Variants in RAP1A observed in about 807,000 individuals in gnomAD.
RAP1A encodes the protein RAP1A, member of RAS oncogene family, also known as ras-related protein Rap-1A.
A neutral mutation model predicts 26.4 loss-of-function variants in RAP1A; 6 were observed. The observed-to-expected ratio is 0.23, with a 90% confidence interval of 0.12 to 0.45. The LOEUF is 0.45. Ranked by LOEUF, RAP1A falls within the 20% of genes least tolerant of loss-of-function variation. The probability of loss-of-function intolerance (pLI) is 0.99; values close to 1 mark genes in which losing one functional copy is unlikely to be tolerated. For synonymous variants in RAP1A, 73 were observed against 79.4 expected, an observed-to-expected ratio of 0.92 and a Z score of 0.43; for missense variants, 121 against 217.2, an observed-to-expected ratio of 0.56 and a Z score of 2.78.
intron 1 of RAP1A, among the ~76,000 whole-genome samples, chr1:111,634,795 C>T (rs1659677728): frequency 6.6e-6 from 1 of 151,968 alleles, no homozygotes; most frequent in South Asian, 2.1e-4. Flanking sequence ...CAGGCACGCA[C>T]CGCCACGCCC....
intron 1 of RAP1A, among the ~76,000 whole-genome samples, chr1:111,552,748 T>G (rs1657319821): frequency 1.3e-5 from 2 of 152,206 alleles, no homozygotes; most frequent in African/African-American, 4.8e-5. Flanking sequence ...ACTTCCTACA[T>G]GCATGACCTG....
intron 1 of RAP1A, among the ~76,000 whole-genome samples, chr1:111,571,526 G>T (rs1299285790): frequency 6.6e-6 from 1 of 152,118 alleles, no homozygotes; most frequent in African/African-American, 2.4e-5. Context: ...ATAACAAAAG[G>T]CACTCCTGTC....
chr1:111,662,352 A>C (rs1372710025), intron 1 of RAP1A, among the ~76,000 whole-genome samples: 1 of 146,732 alleles, frequency 6.8e-6, no homozygotes, highest in Non-Finnish European at 1.5e-5. Flanking sequence ...CAGAGGTAGC[A>C]CCATCGTATT....
At chr1:111,696,328 T>C (rs558613272) in intron 3 of RAP1A, among the ~76,000 whole-genome samples, 1 of 152,352 alleles carries the variant, frequency 6.6e-6, no homozygotes, top group South Asian at 2.1e-4. Context: ...GCTGTAACTT[T>C]TGTTGAATTA....
chr1:111,586,118 G>A (rs1399032270), intron 1 of RAP1A, among the ~76,000 whole-genome samples: 7 of 152,164 alleles, frequency 4.6e-5, no homozygotes, highest in Non-Finnish European at 1.0e-4. Context: ...TTTCTCTGAT[G>A]ATGAATATTT....
rs192086796 is a variant in RAP1A, at chr1:111,565,876, G to C, written c.-28+23367G>C. Reference sequence around the variant, plus strand: ...TGGACAGCACATTATATTTCTACTGGACAGCACTAATCTAAACTCAAAGTG... The same window carrying C: ...TGGACAGCACATTATATTTCTACTGCACAGCACTAATCTAAACTCAAAGTG... On this transcript the variant is annotated intron_variant, in intron 1 of 7. Coordinates refer to the RAP1A transcript ENST00000356415. Among the ~76,000 whole-genome samples, 8 of 152,040 alleles carry C rather than the reference G, an allele frequency of 5.3e-5. No individual in the cohort carries two copies. The East Asian group carries it at 1.5e-3, about 29-fold the overall frequency.
intron 1 of RAP1A, chr1:111,649,350 C>A: frequency 2.6e-6 from 1 of 391,882 alleles, no homozygotes. Context: ...GGATGCCTCC[C>A]ATTCCTGCCA....
At position 111,713,792 on chromosome 1, in the gene RAP1A, T is replaced by A. The variant is rs1662455450; in HGVS notation, c.*1391T>A. On this transcript the variant is annotated 3_prime_UTR_variant, in exon 8 of 8. Coordinates refer to ENST00000369709, the MANE Select transcript of RAP1A (RefSeq NM_002884.4). ...GCTTAAGTAAGACATGGACCCAGGG[T>A]GATACTACTTATGTAGTCTCTATAA... 1 of 152,192 alleles carries A rather than the reference T, an allele frequency of 6.6e-6. No individual in the cohort carries two copies. Among genetic ancestry groups the A allele is most frequent in the African/African-American group, 2.4e-5 (1 of 41,442 alleles). 9.4% of individuals were successfully genotyped at this position (152,192 alleles called of 1,614,324 possible).
intron 1 of RAP1A, chr1:111,649,644 C>T: frequency 5.7e-6 from 1 of 176,046 alleles, no homozygotes; most frequent in Non-Finnish European, 1.2e-5. Context: ...TCTTCTTTTG[C>T]TGTTGATAAT....
chr1:111,564,744 C>A (rs1657873934), intron 1 of RAP1A, among the ~76,000 whole-genome samples: 1 of 151,318 alleles, frequency 6.6e-6, no homozygotes, highest in Admixed American at 6.6e-5. Context: ...GATCTCCTGA[C>A]CTTGTGATCC....
At chr1:111,590,969 T>G (rs1228099764) in intron 1 of RAP1A, among the ~76,000 whole-genome samples, 2 of 152,234 alleles carry the variant, frequency 1.3e-5, no homozygotes, top group Non-Finnish European at 2.9e-5. Context: ...ATGATTATCT[T>G]GTTCTTAGGT....
chr1:111,571,822 T>C (rs1658053889), intron 1 of RAP1A, among the ~76,000 whole-genome samples: 1 of 152,154 alleles, frequency 6.6e-6, no homozygotes, highest in South Asian at 2.1e-4. Flanking sequence ...TTGAAGTTGG[T>C]GAGAGGATAG....
At chr1:111,563,101 C>A (rs1034336091) in intron 1 of RAP1A, among the ~76,000 whole-genome samples, 1 of 152,068 alleles carries the variant, frequency 6.6e-6, no homozygotes, top group African/African-American at 2.4e-5. Flanking sequence ...AGTAAGTAAG[C>A]AAAACTAACT....
chr1:111,698,161 T>C (rs1306217594), intron 4 of RAP1A, among the ~76,000 whole-genome samples: 1 of 152,224 alleles, frequency 6.6e-6, no homozygotes, highest in Non-Finnish European at 1.5e-5. Context: ...TTTCCAGTTA[T>C]ACTGCCACAT....
intron 1 of RAP1A, among the ~76,000 whole-genome samples, chr1:111,675,515 G>A (rs1371513642): frequency 2.0e-5 from 3 of 151,958 alleles, no homozygotes; most frequent in Admixed American, 1.3e-4. Flanking sequence ...TCCTCTGTTC[G>A]TCCATCCTTC....
intron 1 of RAP1A, chr1:111,542,521 T>G: frequency 5.0e-6 from 1 of 199,330 alleles, no homozygotes; most frequent in South Asian, 8.0e-5. Context: ...TGGGAAATTT[T>G]TATTTCATTT....
At chr1:111,706,752 A>G (rs1662207180) in intron 6 of RAP1A, 1 of 983,424 alleles carries the variant, frequency 1.0e-6, no homozygotes, top group Non-Finnish European at 1.2e-6. Context: ...ACTTGCCCTC[A>G]TCACTGAACC....
chr1:111,646,790 C>T lies in RAP1A; in HGVS notation c.-28+26856C>T, dbSNP rs557474272. On this transcript the variant is annotated intron_variant, in intron 1 of 7. Coordinates refer to ENST00000369709, the MANE Select transcript of RAP1A (RefSeq NM_002884.4). ...TCCTGACCTTGTGATCCGCCCGCCT[C>T]GGCTTCCCAAAGTGCCGGGATTACA... Among the ~76,000 whole-genome samples the T allele has an allele frequency of 2.0e-4, 31 of 152,348 alleles. No individual in the cohort carries two copies. The South Asian group carries it at 4.8e-3, about 23-fold the overall frequency.
upstream of RAP1A, among the ~76,000 whole-genome samples, chr1:111,617,523 TC>T (rs1365563717): frequency 1.3e-5 from 2 of 152,016 alleles, no homozygotes; most frequent in African/African-American, 4.8e-5. Context: ...AGTTCCGCCT[TC>T]CAGGTTCATG....
Sources: allele counts gnomAD v4.1 joint callset (sites outside exome capture counted in the v4.1 genomes callset), GRCh38; gene constraint gnomAD v4.1.1; transcripts MANE v1.5; gene names NCBI Gene and HGNC (gene_info 2026-07-23, HGNC 2026-07-21).